Variants in CPSF4 observed in about 807,000 individuals in gnomAD.
The protein encoded by CPSF4 is cleavage and polyadenylation specificity factor subunit 4.
CPSF4 carries 11 observed loss-of-function variants against 37.7 expected under a neutral mutation model. That is an observed-to-expected ratio of 0.29 (90% CI 0.18 to 0.48). The LOEUF is 0.48. CPSF4 is among the 20% of genes least tolerant of loss of function. The pLI, the probability that CPSF4 is intolerant of heterozygous loss-of-function variation, is 0.99. For synonymous variants in CPSF4, 132 were observed against 135.9 expected (o/e 0.97, Z 0.20); for missense variants, 144 against 359.5 (o/e 0.40, Z 4.85).
In CPSF4 at chr7:99,444,861, G is replaced by C. The variant is rs370696647; in HGVS notation, c.154+22G>C. On this transcript the variant is annotated intron_variant, in intron 2 of 7. Transcript: ENST00000292476. ...AAAGGTAAGAAACTCCGGGCTCCCT[G>C]ATGTGCCTCCGGAGGCGCCCTCCCA... 18 of 1,612,090 alleles carry C rather than the reference G, an allele frequency of 1.1e-5. No individual in the cohort carries two copies. In the African/African-American group the frequency reaches 2.3e-4, roughly 20 times the overall value.
intron 1 of CPSF4, chr7:99,443,087 A>G (rs764673747): frequency 3.2e-6 from 3 of 927,846 alleles, no homozygotes; most frequent in Non-Finnish European, 5.4e-6. Context: ...AGTTAACCAT[A>G]GGTGTGTTCA....
chr7:99,440,371 G>A (rs1041808663), intron 1 of CPSF4, among the ~76,000 whole-genome samples: 2 of 151,808 alleles, frequency 1.3e-5, no homozygotes, highest in African/African-American at 4.9e-5. Flanking sequence ...TTGCTTTTGA[G>A]ACAGGGGCCC....
At position 99,442,670 on chromosome 7, in the gene CPSF4, A is replaced by AC. The variant is rs1554363515; in HGVS notation, c.104-2119_104-2118insC. ...GACTCCGTCTCAAAAAAAAAAAAAA[A>AC]AAAAACAAAAAACAAGCAATATAAT... is the stretch of plus-strand genomic sequence containing the variant. On this transcript the variant is annotated intron_variant, in intron 1 of 7. Coordinates refer to ENST00000292476, the MANE Select transcript of CPSF4 (RefSeq NM_006693.4). 4.7e-3 allele frequency among the ~76,000 whole-genome samples: 684 copies of AC among 144,082 alleles called. 10 individuals carry two copies. Among genetic ancestry groups the AC allele is most frequent in the African/African-American group, 0.019 (662 of 34,440 alleles). The allele number at this position is 144,082 out of a possible 152,430, so 94.5% of individuals were successfully genotyped here. A position where few individuals can be genotyped will look rare whatever the true frequency, so the allele number is the denominator to read the frequency against.
intron 1 of CPSF4, among the ~76,000 whole-genome samples, chr7:99,440,674 A>ATATATATATATGTTTTTTTTTTTT: frequency 1.1e-5 from 1 of 88,130 alleles, no homozygotes. Context: ...ATATATATAT[A>ATATATATATATGTTTTTTTTTTTT]TTTTTTTTTT....
rs1798343423 is a variant in CPSF4, at chr7:99,456,736, C to T, written c.*236C>T. On this transcript the variant is annotated 3_prime_UTR_variant, in exon 8 of 8. Transcript: ENST00000292476. ...GTCGACATCATGTTTGGCTGGGCAT[C>T]GATGCCTCCTTTCTGGGACTCCCGG... The T allele has an allele frequency of 3.4e-6, 2 of 591,316 alleles. No individual in the cohort carries two copies. The allele number at this position is 591,316 out of a possible 1,614,324, so 36.6% of individuals were successfully genotyped here. A position where few individuals can be genotyped will look rare whatever the true frequency, so the allele number is the denominator to read the frequency against.
At chr7:99,454,374 C>T (rs1798153846) in intron 7 of CPSF4, among the ~76,000 whole-genome samples, 2 of 152,188 alleles carry the variant, frequency 1.3e-5, no homozygotes, top group Admixed American at 6.5e-5. Flanking sequence ...AGTGAATGGA[C>T]GGGGCCTGCA....
At chr7:99,452,663 A>G (rs1437255228) in intron 6 of CPSF4, 20 of 557,822 alleles carry the variant, frequency 3.6e-5, no homozygotes, top group Non-Finnish European at 2.3e-5. Flanking sequence ...CAAGCGCAGC[A>G]GCAGACACAG....
chr7:99,439,221 C>T, intron 1 of CPSF4, 36 bp downstream of exon 1: 1 of 1,492,748 alleles, frequency 6.7e-7, no homozygotes, highest in African/African-American at 1.4e-5. Context: ...GCAAGAGCGA[C>T]TCGAACCCGG....
chr7:99,454,203 C>T (rs1798137158), intron 7 of CPSF4, 67 bp downstream of exon 7: 1 of 1,369,892 alleles, frequency 7.3e-7, no homozygotes, highest in Non-Finnish European at 1.0e-6. Flanking sequence ...CCCTCATGCC[C>T]CATGTGTTTG....
At chr7:99,440,078 A>G (rs1796756755) in intron 1 of CPSF4, among the ~76,000 whole-genome samples, 1 of 152,162 alleles carries the variant, frequency 6.6e-6, no homozygotes, top group South Asian at 2.1e-4. Context: ...ACATACTTGA[A>G]ATCTAATGCT....
chr7:99,450,999 A>G, intron 5 of CPSF4: 1 of 559,518 alleles, frequency 1.8e-6, no homozygotes, highest in Non-Finnish European at 3.2e-6. Flanking sequence ...CTAGACCAGG[A>G]GCTGATCTTT....
Position 99,450,277 on chromosome 7 carries a change from G to A in CPSF4, c.309G>A (p.Gly103=), listed in dbSNP as rs1180225309. The A allele has an allele frequency of 1.2e-6, 2 of 1,613,048 alleles. No individual in the cohort carries two copies. Among genetic ancestry groups the A allele is most frequent in the Non-Finnish European group, 1.7e-6 (2 of 1,179,100 alleles). The change falls in exon 4 of 8, where the codon GGG becomes GGA. Residue 103 remains glycine, a splice_region_variant and synonymous_variant. Transcript: ENST00000292476. ...TCTCACGTCTGAGTTTCCCTGCAGGGGAGTGCAGCAACAAGGAATGTCCCT... is the reference window on the plus strand; with the variant it reads ...TCTCACGTCTGAGTTTCCCTGCAGGAGAGTGCAGCAACAAGGAATGTCCCT... ...MPECYFYSKF[G]ECSNKECPFL... is the part of the protein sequence containing the mutation.
intron 1 of CPSF4, among the ~76,000 whole-genome samples, chr7:99,442,549 G>A (rs1173413053): frequency 2.7e-5 from 4 of 150,912 alleles, no homozygotes; most frequent in Non-Finnish European, 5.9e-5. Flanking sequence ...CCAGCTACTC[G>A]GGAGGCTGAG....
At chr7:99,447,271 C>CT (rs1351325327) in intron 2 of CPSF4, among the ~76,000 whole-genome samples, 598 of 107,116 alleles carry the variant, frequency 5.6e-3, no homozygotes, top group Non-Finnish European at 6.6e-3. Flanking sequence ...TTTTTTTTTT[C>CT]TTTTTTTTTT....
rs45462995 is a variant in CPSF4 at position 99,442,899 on chromosome 7, C to T, written c.104-1890C>T. ...AACCTTTCATCAGGCAATGCCAAAG[C>T]GCTCTGCTCTTTTCCTCTTCTTTGC... On this transcript the variant is annotated intron_variant, in intron 1 of 7. Transcript: ENST00000292476. The T allele has an allele frequency of 3.3e-4, 431 of 1,312,898 alleles. 1 individual carries two copies. The African/African-American group carries it at 5.5e-3, about 17-fold the overall frequency. The allele number at this position is 1,312,898 out of a possible 1,614,324, so 81.3% of individuals were successfully genotyped here.
rs1798069491 is a variant in CPSF4 at position 99,453,353 on chromosome 7, T to C, written c.571-613T>C. 6.6e-6 allele frequency: 1 copy of C among 152,652 alleles called. No individual in the cohort carries two copies. The highest frequency in any genetic ancestry group is 2.4e-5 in the African/African-American group (1 of 41,456). The allele number at this position is 152,652 out of a possible 1,614,324, so 9.5% of individuals were successfully genotyped here. A position where few individuals can be genotyped will look rare whatever the true frequency, so the allele number is the denominator to read the frequency against. On this transcript the variant is annotated intron_variant, in intron 6 of 7. Transcript: ENST00000292476. The surrounding 1 kb of genome is among the most constrained non-coding windows in gnomAD (Gnocchi z 4.7). ...GGCGCCAATCACATTGAACTCTTGA[T>C]GGGGAAAGCCGGGAATTCCAGGTGT...
rs1796622360 is a variant in CPSF4, at chr7:99,438,952, C to G, written c.-131C>G. ...GGCTCCGGGCGCTCCCGGCATCCCTCGGGCGGCGGCGGCGGCGGCGGCGAG... is the reference window on the plus strand; with the variant it reads ...GGCTCCGGGCGCTCCCGGCATCCCTGGGGCGGCGGCGGCGGCGGCGGCGAG... On this transcript the variant is annotated 5_prime_UTR_variant, in exon 1 of 8. Coordinates refer to ENST00000292476, the MANE Select transcript of CPSF4 (RefSeq NM_006693.4). The G allele has an allele frequency of 3.0e-6, 4 of 1,352,938 alleles. No homozygotes were observed. Among genetic ancestry groups the G allele is most frequent in the Non-Finnish European group, 3.8e-6 (4 of 1,054,356 alleles). 83.8% of individuals were successfully genotyped at this position (1,352,938 alleles called of 1,614,324 possible).
intron 1 of CPSF4, chr7:99,439,435 T>C: frequency 2.4e-6 from 1 of 412,578 alleles, no homozygotes; most frequent in Non-Finnish European, 4.3e-6. Flanking sequence ...CTCTTCCCAC[T>C]CCATCCTGAG....
rs1269967887 is a variant in CPSF4, at chr7:99,453,780, G to A, written c.571-186G>A. ...TTTGTGTGTCTGCATGGTGTTTTTC[G>A]GGCAGTGGCTTCTGCCATCATCACC... On this transcript the variant is annotated intron_variant, in intron 6 of 7. Transcript: ENST00000292476. The surrounding 1 kb of genome is among the most constrained non-coding windows in gnomAD (Gnocchi z 4.7). The A allele has an allele frequency of 3.9e-5, 23 of 584,672 alleles. No homozygotes were observed. The Admixed American group carries it at 4.2e-4, about 11-fold the overall frequency. The allele number at this position is 584,672 out of a possible 1,614,324, so 36.2% of individuals were successfully genotyped here.
Sources: gnomAD v4.1 joint callset for allele counts (sites outside exome capture counted in the v4.1 genomes callset) on GRCh38, gnomAD v4.1.1 for gene constraint, Gnocchi (gnomAD v3.1) non-coding constraint, MANE v1.5 for transcripts, NCBI Gene and HGNC (gene_info 2026-07-23, HGNC 2026-07-21) for gene names.